Variants in DAB1 observed in about 807,000 individuals in gnomAD.
DAB1 encodes the protein DAB adaptor protein 1, also known as disabled homolog 1.
Under a neutral mutation model 64.6 loss-of-function variants are expected in DAB1, and 15 were observed. The ratio of observed to expected loss-of-function variants is 0.23; its 90% CI spans 0.16 to 0.36. DAB1 has a LOEUF of 0.36. Ranked by LOEUF, DAB1 falls within the 10% of genes least tolerant of loss-of-function variation. The pLI, the probability that DAB1 is intolerant of heterozygous loss-of-function variation, is 1.00. For missense variants in DAB1, 596 were observed against 706.7 expected, an observed-to-expected ratio of 0.84 and a Z score of 1.78; for synonymous variants, 235 against 251.9, an observed-to-expected ratio of 0.93 and a Z score of 0.64.
intron 5 of DAB1, among the ~76,000 whole-genome samples, chr1:58,065,459 A>T (rs1051461645): frequency 6.6e-6 from 1 of 152,232 alleles, no homozygotes; most frequent in African/African-American, 2.4e-5. Flanking sequence ...AAAGAGTCTA[A>T]AATAAAAGAC....
intron 7 of DAB1, among the ~76,000 whole-genome samples, chr1:57,502,344 A>G (rs1459187794): frequency 6.7e-6 from 1 of 150,364 alleles, no homozygotes; most frequent in Non-Finnish European, 1.5e-5. Context: ...AAAAAGAAAG[A>G]AAGAAAGAAA....
At chr1:58,355,558 G>C (rs1337698065) in intron 3 of DAB1, among the ~76,000 whole-genome samples, 1 of 152,130 alleles carries the variant, frequency 6.6e-6, no homozygotes, top group Non-Finnish European at 1.5e-5. Flanking sequence ...GATTAGATTA[G>C]TTTAAAACTT....
At position 58,123,465 on chromosome 1, in the gene DAB1, A is replaced by T. The variant is rs561107584; in HGVS notation, n.387+27046T>A. 2.0e-5 allele frequency among the ~76,000 whole-genome samples: 3 copies of T among 152,268 alleles called. No homozygotes were observed. The East Asian group carries it at 5.8e-4, about 29-fold the overall frequency. On this transcript the variant is annotated intron_variant and non_coding_transcript_variant, in intron 5 of 20. Transcript: ENST00000485760. ...GGGCAGGGGTTGGAGGGAGATGAAT[A>T]ATAGCTAAGTAGGTCAAAAGAAAAG... is the stretch of plus-strand genomic sequence containing the variant.
At chr1:57,070,889 C>G in intron 7 of DAB1, 134 bp downstream of exon 7, 1 of 805,852 alleles carries the variant, frequency 1.2e-6, no homozygotes, top group Non-Finnish European at 2.1e-6. Context: ...GGCTGGCAGC[C>G]CTCACCCTCA....
chr1:57,028,460 G>A (rs1646861623), intron 9 of DAB1, among the ~76,000 whole-genome samples: 1 of 152,200 alleles, frequency 6.6e-6, no homozygotes, highest in African/African-American at 2.4e-5. Flanking sequence ...CCAGTAGAGT[G>A]AGGTGTTGCT....
chr1:58,082,372 T>C (rs963542948), intron 5 of DAB1, among the ~76,000 whole-genome samples: 18 of 151,488 alleles, frequency 1.2e-4, no homozygotes, highest in African/African-American at 4.4e-4. Flanking sequence ...AAGCATTAAA[T>C]GACTTATTAC....
intron 7 of DAB1, among the ~76,000 whole-genome samples, chr1:57,529,271 A>G (rs1026178934): frequency 2.6e-5 from 4 of 152,246 alleles, no homozygotes; most frequent in African/African-American, 9.6e-5. Flanking sequence ...AAATACTGAA[A>G]GAGTACCTGA....
At chr1:58,291,035 C>A (rs1661818632) in intron 4 of DAB1, among the ~76,000 whole-genome samples, 1 of 152,170 alleles carries the variant, frequency 6.6e-6, no homozygotes, top group African/African-American at 2.4e-5. Flanking sequence ...TTGTCCATCA[C>A]CACTGCTCTC....
chr1:57,148,305 G>C (rs891948965), intron 2 of DAB1, among the ~76,000 whole-genome samples: 38 of 152,218 alleles, frequency 2.5e-4, no homozygotes, highest in African/African-American at 8.9e-4. Flanking sequence ...AGGCCATTTA[G>C]AGGAAAGTAG....
intron 3 of DAB1, among the ~76,000 whole-genome samples, chr1:58,375,219 T>G (rs1644311781): frequency 6.8e-6 from 1 of 147,274 alleles, no homozygotes; most frequent in Non-Finnish European, 1.5e-5. Context: ...AACACTATGT[T>G]GAATAGGAGC....
chr1:58,185,775 T>C (rs920817670), intron 4 of DAB1, among the ~76,000 whole-genome samples: 5 of 152,160 alleles, frequency 3.3e-5, no homozygotes. Context: ...GTTATAGAAG[T>C]AATGAAGCTC....
chr1:58,300,176 A>G (rs1662088274), intron 4 of DAB1, among the ~76,000 whole-genome samples: 1 of 152,146 alleles, frequency 6.6e-6, no homozygotes, highest in Admixed American at 6.5e-5. Flanking sequence ...CTTCTGGGAT[A>G]TGTTTTTCAA....
intron 2 of DAB1, among the ~76,000 whole-genome samples, chr1:57,150,302 T>C (rs1024731809): frequency 1.3e-5 from 2 of 152,240 alleles, no homozygotes; most frequent in African/African-American, 4.8e-5. Flanking sequence ...TACTTTCAGT[T>C]TGTCTGCGAC....
rs776398255 is a variant in DAB1, at chr1:57,218,515, T to TAAAAAAAAAAA, written c.67+72438_67+72448dup. On this transcript the variant is annotated intron_variant, in intron 2 of 14. Coordinates refer to ENST00000371236, the MANE Select transcript of DAB1 (RefSeq NM_001365792.1). Reference sequence around the variant, plus strand: ...AGCAACATAGTGAGACCCCCATCTCTAAAAAAAAAAAAAAAAAAAAAAAAA... The same window carrying TAAAAAAAAAAA: ...AGCAACATAGTGAGACCCCCATCTCTAAAAAAAAAAAAAAAAAAAAAAAAAAAAAAAAAAAA... 2.4e-3 allele frequency among the ~76,000 whole-genome samples: 175 copies of TAAAAAAAAAAA among 71,436 alleles called. 5 individuals are homozygous for TAAAAAAAAAAA. The highest frequency in any genetic ancestry group is 5.5e-3 in the African/African-American group (74 of 13,460). The allele number at this position is 71,436 out of a possible 152,430, so 46.9% of individuals were successfully genotyped here. A position where few individuals can be genotyped will look rare whatever the true frequency, so the allele number is the denominator to read the frequency against.
At chr1:57,429,852 A>G (rs917287648) in intron 7 of DAB1, among the ~76,000 whole-genome samples, 1 of 152,186 alleles carries the variant, frequency 6.6e-6, no homozygotes, top group African/African-American at 2.4e-5. Context: ...TCTATGTGTC[A>G]GTTTTCATTC....
At chr1:57,220,231 C>T (rs1237816500) in intron 2 of DAB1, among the ~76,000 whole-genome samples, 1 of 152,120 alleles carries the variant, frequency 6.6e-6, no homozygotes, top group Admixed American at 6.5e-5. Flanking sequence ...GGTCATCTTG[C>T]TATAATCTGT....
chr1:57,995,823 A>C (rs1255465990), intron 5 of DAB1, among the ~76,000 whole-genome samples: 1 of 151,794 alleles, frequency 6.6e-6, no homozygotes, highest in East Asian at 1.9e-4. Context: ...CAGGTTTCTC[A>C]GAAAAAAAAA....
intron 7 of DAB1, among the ~76,000 whole-genome samples, chr1:57,517,824 C>T (rs904130048): frequency 2.0e-5 from 3 of 152,210 alleles, no homozygotes; most frequent in African/African-American, 4.8e-5. Flanking sequence ...ACATTGTTTT[C>T]TGCAGTTTCC....
At chr1:58,072,895 A>C (rs767897889) in intron 5 of DAB1, among the ~76,000 whole-genome samples, 10 of 152,216 alleles carry the variant, frequency 6.6e-5, no homozygotes, top group Admixed American at 5.9e-4. Context: ...CCAAATAGAT[A>C]AGTGTGTGTG....
Sources: allele counts gnomAD v4.1 joint callset (sites outside exome capture counted in the v4.1 genomes callset), GRCh38; gene constraint gnomAD v4.1.1; transcripts MANE v1.5; gene names NCBI Gene and HGNC (gene_info 2026-07-23, HGNC 2026-07-21).